The following PAFAH2 variants were observed in gnomAD, a reference collection of about 807,000 sequenced individuals.
PAFAH2 encodes platelet activating factor acetylhydrolase 2.
Under a neutral mutation model 49.0 loss-of-function variants are expected in PAFAH2, and 42 were observed. The observed-to-expected ratio is 0.86, with a 90% CI of 0.67 to 1.11. The LOEUF is 1.11. Among genes scored for constraint, PAFAH2 ranks in the 50% least tolerant of loss-of-function variants. The probability of loss-of-function intolerance (pLI) is 0.00; values close to 1 mark genes in which losing one functional copy is unlikely to be tolerated. For missense variants in PAFAH2, 503 were observed against 501.8 expected (o/e 1.00, Z -0.02); for synonymous variants, 184 against 181.3 (o/e 1.01, Z -0.12).
intron 9 of PAFAH2, among the ~76,000 whole-genome samples, chr1:25,973,881 A>G (rs2049548266): frequency 6.6e-6 from 1 of 152,232 alleles, no homozygotes. Context: ...CTGTGGCTCA[A>G]TATCACCTCC....
At chr1:25,997,637 A>G (rs2049954653) in intron 1 of PAFAH2, 2 of 152,352 alleles carry the variant, frequency 1.3e-5, no homozygotes, top group Admixed American at 1.3e-4. Context: ...ACCGCCATGA[A>G]AAACAGAAAA....
At chr1:25,978,607 A>G (rs1025205922) in intron 7 of PAFAH2, among the ~76,000 whole-genome samples, 12 of 152,226 alleles carry the variant, frequency 7.9e-5, no homozygotes, top group Admixed American at 6.5e-4. Context: ...AGCAAAAGTG[A>G]TATCTCTACT....
At chr1:25,984,206 G>A (rs1423225437) in intron 5 of PAFAH2, 119 bp from the exon 6 acceptor site, 1 of 1,170,488 alleles carries the variant, frequency 8.5e-7, no homozygotes, top group African/African-American at 1.5e-5. Context: ...TAGTAGGGAA[G>A]GAGATCTGGG....
rs199672043 is a variant in PAFAH2, at chr1:25,962,028, C to A, written c.1140G>T (p.Ser380=). Residue 380 remains serine (S), a synonymous_variant, in exon 11 of 11, where the codon TCG becomes TCT. Coordinates refer to ENST00000374282, the MANE Select transcript of PAFAH2 (RefSeq NM_000437.4). The part of the protein sequence containing the change: ...WNNLIEGIGP[S]LTPGAPHHLS... ...GATGGTGGGGGGCCCCTGGGGTGAG[C>A]GACGGTCCAATGCCTTCAATAAGGT... is the stretch of plus-strand genomic sequence containing the variant. 6 of 1,613,772 alleles carry A rather than the reference C, an allele frequency of 3.7e-6. No individual in the cohort carries two copies. Among genetic ancestry groups the A allele is most frequent in the Non-Finnish European group, 5.1e-6 (6 of 1,179,930 alleles).
In PAFAH2 at chr1:25,984,473, C is replaced by T. The variant is rs1289030965; in HGVS notation, c.397G>A (p.Val133Met). Reference sequence around the variant, plus strand: ...CTCATCCCTCACCTGTGCTCTGGCACAGCAACCACAAAGCCACGTGAGGCC... The same window carrying T: ...CTCATCCCTCACCTGTGCTCTGGCATAGCAACCACAAAGCCACGTGAGGCC... ...ELASRGFVVAVPEHRDRSAAT... is the reference protein window; with the variant it reads ...ELASRGFVVAMPEHRDRSAAT... The change falls in exon 5 of 11, where the codon GTG (valine) becomes ATG (methionine). Residue 133 changes from valine to methionine, a missense_variant. Val to Met is a conservative substitution (Grantham distance 21). Coordinates refer to ENST00000374282, the MANE Select transcript of PAFAH2 (RefSeq NM_000437.4). The T allele has an allele frequency of 1.9e-6, 3 of 1,613,490 alleles. No homozygotes were observed. Among genetic ancestry groups the T allele is most frequent in the Non-Finnish European group, 2.5e-6 (3 of 1,179,600 alleles).
intron 3 of PAFAH2, among the ~76,000 whole-genome samples, chr1:25,989,126 C>T (rs568127988): frequency 6.6e-6 from 1 of 152,244 alleles, no homozygotes; most frequent in African/African-American, 2.4e-5. Flanking sequence ...CATTATATGT[C>T]CCAAGCACCG....
chr1:25,992,535 C>G, intron 1 of PAFAH2, among the ~76,000 whole-genome samples: 1 of 152,194 alleles, frequency 6.6e-6, no homozygotes, highest in East Asian at 1.9e-4. Context: ...TACTCTGTGC[C>G]AGGAACTATG....
Position 25,974,420 on chromosome 1 carries a change from GCAC to G in PAFAH2, c.929+57_929+59del, listed in dbSNP as rs144325079. Reference sequence around the variant, plus strand: ...GTTTTGGGTAATCCAGAAGTTAAGGGCACCACAGCAAGTGGCAAATGGAGAGGG... The same window carrying G: ...GTTTTGGGTAATCCAGAAGTTAAGGGCACAGCAAGTGGCAAATGGAGAGGG... On this transcript the variant is annotated intron_variant, in intron 9 of 10. Transcript: ENST00000374282. The G allele has an allele frequency of 2.6e-3, 3,637 of 1,414,628 alleles. 82 individuals carry two copies. In the African/African-American group the frequency reaches 0.047, roughly 18 times the overall value. The allele number at this position is 1,414,628 out of a possible 1,614,324, so 87.6% of individuals were successfully genotyped here.
At chr1:25,977,001 C>T (rs2049599766) in intron 7 of PAFAH2, among the ~76,000 whole-genome samples, 1 of 144,624 alleles carries the variant, frequency 6.9e-6, no homozygotes, top group Non-Finnish European at 1.5e-5. Context: ...GAGAATCACA[C>T]TTTTCATGTT....
At chr1:25,962,135 A>C in intron 10 of PAFAH2, 52 bp from the exon 11 acceptor site, 1 of 1,456,922 alleles carries the variant, frequency 6.9e-7, no homozygotes. Context: ...AGGTTTGGTC[A>C]AAGAGTAGCT....
intron 7 of PAFAH2, among the ~76,000 whole-genome samples, chr1:25,978,988 T>C (rs2049638199): frequency 1.3e-5 from 2 of 152,368 alleles, no homozygotes; most frequent in South Asian, 2.1e-4. Context: ...AATAACACTG[T>C]CCATCTATCA....
At chr1:25,996,475 T>C (rs539906955) in intron 1 of PAFAH2, among the ~76,000 whole-genome samples, 1 of 151,848 alleles carries the variant, frequency 6.6e-6, no homozygotes, top group East Asian at 1.9e-4. Flanking sequence ...CTGTCTGTAC[T>C]AAAAAAAATA....
In PAFAH2 at chr1:25,960,841, T is replaced by C. The variant is rs1294645732; in HGVS notation, c.*1148A>G. 9 of 151,538 alleles carry C rather than the reference T, an allele frequency of 5.9e-5. No homozygotes were observed. The highest frequency in any genetic ancestry group is 2.2e-4 in the African/African-American group (9 of 41,256). The allele number at this position is 151,538 out of a possible 1,614,324, so 9.4% of individuals were successfully genotyped here. On this transcript the variant is annotated 3_prime_UTR_variant, in exon 11 of 11. Transcript: ENST00000374282. The stretch of plus-strand genomic sequence containing the variant: ...TTTTTTTTAAGACAGAGTCTTGCTC[T>C]GTCACCCAGGCTGGAGTGCAGTGGC...
In PAFAH2 at chr1:25,977,014, C is replaced by CTT. The variant is rs201548055; in HGVS notation, c.667-243_667-242dup. On this transcript the variant is annotated intron_variant, in intron 7 of 10. Transcript: ENST00000374282. ...GTGAGAATCACACTTTTCATGTTTA[C>CTT]TTTTTTTTTTTTTTTTTTTTTTTTT... Among the ~76,000 whole-genome samples the CTT allele has an allele frequency of 6.9e-3, 613 of 88,338 alleles. 52 individuals carry two copies. The highest frequency in any genetic ancestry group is 0.024 in the African/African-American group (579 of 23,926). The allele number at this position is 88,338 out of a possible 152,430, so 58.0% of individuals were successfully genotyped here.
At chr1:25,969,622 C>T (rs752438713) in intron 10 of PAFAH2, among the ~76,000 whole-genome samples, 14 of 152,318 alleles carry the variant, frequency 9.2e-5, no homozygotes, top group South Asian at 2.1e-4. Flanking sequence ...TAGAATTACA[C>T]GCGATAAAGC....
chr1:25,991,209 G>A (rs895342709), intron 1 of PAFAH2, among the ~76,000 whole-genome samples: 4 of 152,082 alleles, frequency 2.6e-5, no homozygotes, highest in African/African-American at 7.2e-5. Context: ...ATTATTTACG[G>A]TTAGCACTGT....
chr1:25,975,787 C>T (rs1223044218), intron 8 of PAFAH2, among the ~76,000 whole-genome samples: 4 of 152,186 alleles, frequency 2.6e-5, no homozygotes, highest in Non-Finnish European at 5.9e-5. Context: ...TGTCCTGCTA[C>T]AATCCATTCT....
chr1:25,966,204 T>C (rs1347443156), intron 10 of PAFAH2, among the ~76,000 whole-genome samples: 1 of 152,134 alleles, frequency 6.6e-6, no homozygotes, highest in East Asian at 1.9e-4. Flanking sequence ...TGGAAAACGG[T>C]ATGGAGATCC....
chr1:25,988,213 G>T lies in PAFAH2; in HGVS notation c.341+18C>A. 1 of 1,538,078 alleles carries T rather than the reference G, an allele frequency of 6.5e-7. No individual in the cohort carries two copies. The highest frequency in any genetic ancestry group is 8.9e-7 in the Non-Finnish European group (1 of 1,124,694). ...CAGGCAAGGAGTATGGCAAGGTCTG[G>T]GGGAAAGAAGCTCTTACCTGAAGGC... On this transcript the variant is annotated intron_variant, in intron 4 of 10. Transcript: ENST00000374282.
Sources: allele counts gnomAD v4.1 joint callset (sites outside exome capture counted in the v4.1 genomes callset), GRCh38; gene constraint gnomAD v4.1.1; transcripts MANE v1.5; gene names NCBI Gene and HGNC (gene_info 2026-07-23, HGNC 2026-07-21).